The following ADAMTS19 variants were observed in gnomAD, a reference collection of about 807,000 sequenced individuals.
The protein encoded by ADAMTS19 is A disintegrin and metalloproteinase with thrombospondin motifs 19.
A neutral mutation model predicts 153.3 loss-of-function variants in ADAMTS19; 93 were observed. The ratio of observed to expected loss-of-function variants is 0.61; its 90% CI spans 0.51 to 0.72. ADAMTS19 has a LOEUF of 0.72. Ranked by LOEUF, ADAMTS19 falls within the 30% of genes least tolerant of loss-of-function variation. ADAMTS19 has a pLI of 0.00. For synonymous variants in ADAMTS19, 600 were observed against 556.6 expected (o/e 1.08, Z -1.10); for missense variants, 1,482 against 1,552.1 (o/e 0.95, Z 0.76).
At chr5:129,602,186 G>C (rs1041931591) in intron 8 of ADAMTS19, among the ~76,000 whole-genome samples, 1 of 152,258 alleles carries the variant, frequency 6.6e-6, no homozygotes, top group South Asian at 2.1e-4. Context: ...TCTGCCTCCT[G>C]GGTTCAAGTG....
intron 10 of ADAMTS19, among the ~76,000 whole-genome samples, chr5:129,640,316 T>C (rs952756750): frequency 6.6e-4 from 101 of 152,230 alleles, no homozygotes; most frequent in Middle Eastern, 3.4e-3. Context: ...AAATCTAAAG[T>C]ATAGGAAAAT....
At chr5:129,720,627 C>A (rs1203430778) in intron 21 of ADAMTS19, among the ~76,000 whole-genome samples, 1 of 152,076 alleles carries the variant, frequency 6.6e-6, no homozygotes, top group Non-Finnish European at 1.5e-5. Flanking sequence ...TGCTGGATAG[C>A]AACAGTGTAA....
intron 16 of ADAMTS19, among the ~76,000 whole-genome samples, chr5:129,669,826 A>G (rs1369242169): frequency 6.7e-6 from 1 of 149,830 alleles, no homozygotes; most frequent in African/African-American, 2.5e-5. Context: ...TTTTTTTTTC[A>G]TTGTTGCATT....
chr5:129,511,700 A>G (rs1751442674), intron 3 of ADAMTS19, among the ~76,000 whole-genome samples: 1 of 151,362 alleles, frequency 6.6e-6, no homozygotes, highest in Non-Finnish European at 1.5e-5. Flanking sequence ...GAGGGAGAAA[A>G]GGGAACAGAG....
chr5:129,522,017 G>A lies in ADAMTS19; in HGVS notation c.914-4267G>A, dbSNP rs75719578. 2.8e-4 allele frequency among the ~76,000 whole-genome samples: 43 copies of A among 151,986 alleles called. No individual in the cohort carries two copies. In the East Asian group the frequency reaches 8.2e-3, roughly 29 times the overall value. ...GAAAAGTATCTAAGTAGAAGGAGGT[G>A]TCTCTTTTTAGTTATTGGATGTATC... On this transcript the variant is annotated intron_variant, in intron 3 of 22. Coordinates refer to ENST00000274487, the MANE Select transcript of ADAMTS19 (RefSeq NM_133638.6).
At chr5:129,634,444 T>G (rs575787185) in intron 10 of ADAMTS19, among the ~76,000 whole-genome samples, 11 of 152,166 alleles carry the variant, frequency 7.2e-5, no homozygotes, top group African/African-American at 2.6e-4. Flanking sequence ...TTAAAAATCA[T>G]ATAGAAACAA....
Position 129,492,753 on chromosome 5 carries a change from C to T in ADAMTS19, c.748-16324C>T, listed in dbSNP as rs568504267. 1.1e-4 allele frequency among the ~76,000 whole-genome samples: 17 copies of T among 152,134 alleles called. No individual in the cohort carries two copies. In the South Asian group the frequency reaches 3.5e-3, roughly 32 times the overall value. ...AAATCATAGTGTATATAACTTTTCC[C>T]ATTTTTAAAGAAACTTATCACACAC... On this transcript the variant is annotated intron_variant, in intron 2 of 22. Coordinates refer to ENST00000274487, the MANE Select transcript of ADAMTS19 (RefSeq NM_133638.6).
At chr5:129,698,184 T>C (rs1051079872) in intron 19 of ADAMTS19, among the ~76,000 whole-genome samples, 5 of 152,222 alleles carry the variant, frequency 3.3e-5, no homozygotes, top group African/African-American at 1.2e-4. Flanking sequence ...ATTATCTCCC[T>C]TCCCTTGGAA....
chr5:129,607,636 T>C (rs1402193679), intron 8 of ADAMTS19, among the ~76,000 whole-genome samples: 1 of 152,150 alleles, frequency 6.6e-6, no homozygotes, highest in African/African-American at 2.4e-5. Context: ...TTTTGGTACG[T>C]GATATTTTGA....
chr5:129,494,917 C>T (rs1209585081), intron 2 of ADAMTS19, among the ~76,000 whole-genome samples: 1 of 152,052 alleles, frequency 6.6e-6, no homozygotes, highest in Non-Finnish European at 1.5e-5. Flanking sequence ...TTTGGCAAAG[C>T]ATATGTAGTG....
chr5:129,501,910 G>A (rs1338024585), intron 2 of ADAMTS19, among the ~76,000 whole-genome samples: 7 of 152,064 alleles, frequency 4.6e-5, no homozygotes, highest in African/African-American at 1.4e-4. Flanking sequence ...GCCATAAACA[G>A]ATATACAAAC....
chr5:129,647,315 A>G (rs1390627708), intron 11 of ADAMTS19, among the ~76,000 whole-genome samples: 1 of 151,952 alleles, frequency 6.6e-6, no homozygotes, highest in Non-Finnish European at 1.5e-5. Flanking sequence ...CTGACATTTC[A>G]TACGAAAATT....
chr5:129,472,366 A>G (rs934671813), intron 2 of ADAMTS19, among the ~76,000 whole-genome samples: 1 of 152,192 alleles, frequency 6.6e-6, no homozygotes, highest in African/African-American at 2.4e-5. Flanking sequence ...ACTAAACTTC[A>G]TACCCTAAGG....
intron 9 of ADAMTS19, among the ~76,000 whole-genome samples, chr5:129,621,684 C>T (rs139427284): frequency 2.4e-4 from 36 of 152,288 alleles, no homozygotes; most frequent in Non-Finnish European, 2.9e-5. Flanking sequence ...GCTGCCTTCA[C>T]ATGAATCAGG....
chr5:129,562,721 A>C (rs1753566490), intron 7 of ADAMTS19, among the ~76,000 whole-genome samples: 1 of 152,170 alleles, frequency 6.6e-6, no homozygotes, highest in Non-Finnish European at 1.5e-5. Flanking sequence ...TAAAGCTGGC[A>C]AAGATAAATG....
At chr5:129,492,506 A>AGTGTGTGTGTGTGTGTGTGT (rs148015134) in intron 2 of ADAMTS19, among the ~76,000 whole-genome samples, 6 of 146,352 alleles carry the variant, frequency 4.1e-5, no homozygotes, top group African/African-American at 1.5e-4. Context: ...ATTAAAGGTC[A>AGTGTGTGTGTGTGTGTGTGT]GTGTGTGTGT....
intron 19 of ADAMTS19, among the ~76,000 whole-genome samples, chr5:129,700,744 A>G (rs1755797138): frequency 6.6e-6 from 1 of 152,124 alleles, no homozygotes; most frequent in African/African-American, 2.4e-5. Flanking sequence ...CCCACAGTAT[A>G]GTGATATGGT....
At chr5:129,619,805 G>C (rs1400676081) in intron 8 of ADAMTS19, among the ~76,000 whole-genome samples, 1 of 152,028 alleles carries the variant, frequency 6.6e-6, no homozygotes, top group Non-Finnish European at 1.5e-5. Context: ...TTAGAAGGTA[G>C]AGTTGGCAAG....
intron 7 of ADAMTS19, among the ~76,000 whole-genome samples, chr5:129,590,859 T>C (rs1202847807): frequency 2.6e-5 from 4 of 152,250 alleles, no homozygotes; most frequent in African/African-American, 7.2e-5. Context: ...GAATTTTGGT[T>C]CTTCACAATT....
Sources: allele counts gnomAD v4.1 joint callset (sites outside exome capture counted in the v4.1 genomes callset), GRCh38; gene constraint gnomAD v4.1.1; transcripts MANE v1.5; gene names NCBI Gene and HGNC (gene_info 2026-07-23, HGNC 2026-07-21).